CHLSN: variants seen among roughly 807,000 people sequenced by gnomAD.
CHLSN encodes the protein protein cholesin.
the CHLSN span, among the ~76,000 whole-genome samples, chr7:1,016,959 G>GCAGCACACGC: frequency 7.1e-6 from 1 of 141,660 alleles, no homozygotes; most frequent in Non-Finnish European, 1.5e-5. Flanking sequence ...CCAGCGCACA[G>GCAGCACACGC]CAGCACACGC....
the CHLSN span, among the ~76,000 whole-genome samples, chr7:1,083,780 G>A: frequency 6.6e-6 from 1 of 152,176 alleles, no homozygotes; most frequent in South Asian, 2.1e-4. Context: ...CACCAAACAG[G>A]GACAGGACGG....
the CHLSN span, among the ~76,000 whole-genome samples, chr7:1,006,790 G>A: frequency 4.7e-4 from 72 of 152,244 alleles, no homozygotes; most frequent in African/African-American, 1.7e-3. Flanking sequence ...ACAGCGCAGG[G>A]AAAGAGCGCA....
chr7:1,133,308 A>C, the CHLSN span, among the ~76,000 whole-genome samples: 1 of 150,604 alleles, frequency 6.6e-6, no homozygotes, highest in South Asian at 2.1e-4. Flanking sequence ...GGTGACCACT[A>C]AGGGGCACAG....
At chr7:993,220 G>C in the CHLSN span, among the ~76,000 whole-genome samples, 10 of 152,334 alleles carry the variant, frequency 6.6e-5, no homozygotes, top group African/African-American at 2.4e-4. Flanking sequence ...GGGGACGGCA[G>C]CTGGAGCGCG....
the CHLSN span, among the ~76,000 whole-genome samples, chr7:993,218 C>G: frequency 6.6e-6 from 1 of 152,202 alleles, no homozygotes. Flanking sequence ...AGGGGGACGG[C>G]AGCTGGAGCG....
At chr7:1,124,378 G>A in the CHLSN span, among the ~76,000 whole-genome samples, 14 of 151,512 alleles carry the variant, frequency 9.2e-5, no homozygotes, top group Non-Finnish European at 1.5e-4. Flanking sequence ...AACTCAAAAA[G>A]TCCAGGGTGA....
At chr7:1,079,060 A>G in the CHLSN span, among the ~76,000 whole-genome samples, 1 of 151,858 alleles carries the variant, frequency 6.6e-6, no homozygotes, top group Admixed American at 6.6e-5. Context: ...GGGCTCTGTC[A>G]AGACTGCTGG....
At chr7:993,850 G>C in the CHLSN span, among the ~76,000 whole-genome samples, 1 of 152,074 alleles carries the variant, frequency 6.6e-6, no homozygotes, top group East Asian at 1.9e-4. Context: ...CCGAACCTGT[G>C]TCACTCTTGG....
At chr7:1,088,178 G>T in the CHLSN span, 2 of 152,276 alleles carry the variant, frequency 1.3e-5, no homozygotes, top group Admixed American at 6.5e-5. This position sits in a 1 kb window ranked among gnomAD's most constrained non-coding sequence, Gnocchi z 4.5. Flanking sequence ...CTCCCAGGGC[G>T]GGTCTCTTCC....
At chr7:1,070,947 A>G in the CHLSN span, among the ~76,000 whole-genome samples, 1 of 147,238 alleles carries the variant, frequency 6.8e-6, no homozygotes, top group African/African-American at 2.5e-5. Flanking sequence ...ACATGCACAC[A>G]CACACAGCAC....
the CHLSN span, chr7:1,059,307 G>T: frequency 6.3e-6 from 1 of 159,460 alleles, no homozygotes; most frequent in Admixed American, 6.5e-5. Context: ...GCCCCCAGGG[G>T]ACAGAGGGCT....
the CHLSN span, among the ~76,000 whole-genome samples, chr7:1,105,027 A>G: frequency 6.6e-6 from 1 of 152,244 alleles, no homozygotes; most frequent in African/African-American, 2.4e-5. Flanking sequence ...GAAGAGAGGG[A>G]CAGACAGGAA....
the CHLSN span, chr7:997,768 G>A: frequency 6.2e-7 from 1 of 1,609,272 alleles, no homozygotes; most frequent in South Asian, 1.1e-5. Context: ...AGCCCCTCCA[G>A]GTAGGCCAGC....
the CHLSN span, among the ~76,000 whole-genome samples, chr7:1,023,652 CACACACACACACACACACACACACA>C: frequency 1.3e-5 from 2 of 149,324 alleles, no homozygotes; most frequent in Non-Finnish European, 3.0e-5. The surrounding 1 kb of genome is among the most constrained non-coding windows in gnomAD (Gnocchi z 5.0). Context: ...CACACACACA[CACACACACACACACACACACACACA>C]CCAGCAACGC....
At chr7:1,093,497 G>A in the CHLSN span, 11 of 470,418 alleles carry the variant, frequency 2.3e-5, no homozygotes, top group East Asian at 4.2e-4. Flanking sequence ...GAGCAGCAGC[G>A]CTCGGCCCGG....
the CHLSN span, among the ~76,000 whole-genome samples, chr7:1,126,359 CAAAAAAAAAAAAA>C: frequency 9.9e-5 from 4 of 40,514 alleles, no homozygotes; most frequent in Middle Eastern, 0.029. Context: ...GACTCTGTCT[CAAAAAAAAAAAAA>C]AAAAAAAAAA....
At chr7:1,119,768 T>C in the CHLSN span, among the ~76,000 whole-genome samples, 1 of 151,666 alleles carries the variant, frequency 6.6e-6, no homozygotes, top group East Asian at 1.9e-4. Flanking sequence ...TTCCAGCTAC[T>C]CGGGAGGCTG....
chr7:986,432 AC>A, the CHLSN span: 1 of 641,364 alleles, frequency 1.6e-6, no homozygotes, highest in Non-Finnish European at 2.7e-6. Context: ...CTTCCGGGAC[AC>A]GGACAGGGGG....
chr7:1,112,430 G>A, the CHLSN span, among the ~76,000 whole-genome samples: 8 of 152,220 alleles, frequency 5.3e-5, no homozygotes, highest in African/African-American at 1.4e-4. Flanking sequence ...CAAGGTGGCT[G>A]GGACGGCTAC....
Sources: allele counts gnomAD v4.1 joint callset (sites outside exome capture counted in the v4.1 genomes callset), GRCh38; gene constraint gnomAD v4.1.1; non-coding constraint Gnocchi (gnomAD v3.1); transcripts MANE v1.5; gene names NCBI Gene and HGNC (gene_info 2026-07-23, HGNC 2026-07-21).